The following ONECUT3 variants were observed in gnomAD, a reference collection of about 807,000 sequenced individuals.
The protein encoded by ONECUT3 is one cut homeobox 3.
ONECUT3 carries 11 observed loss-of-function variants against 16.8 expected under a neutral mutation model. That is an observed-to-expected ratio of 0.66 (90% confidence interval 0.41 to 1.09). The LOEUF (loss-of-function observed/expected upper bound fraction) is 1.09, where lower values mean the gene tolerates loss of function less well. ONECUT3 is among the 50% of genes least tolerant of loss of function. The probability of loss-of-function intolerance (pLI) is 0.00; values close to 1 mark genes in which losing one functional copy is unlikely to be tolerated. For synonymous variants in ONECUT3, 344 were observed against 310.7 expected (o/e 1.11, Z -1.13); for missense variants, 637 against 629.9 (o/e 1.01, Z -0.12).
At chr19:1,774,638 A>T (rs1386047267) in intron 1 of ONECUT3, among the ~76,000 whole-genome samples, 3 of 148,200 alleles carry the variant, frequency 2.0e-5, no homozygotes, top group Non-Finnish European at 4.5e-5. Context: ...TACCAATATC[A>T]ATTTCTGTGG....
chr19:1,765,530 C>T (rs960164519), intron 1 of ONECUT3, among the ~76,000 whole-genome samples: 5 of 152,206 alleles, frequency 3.3e-5, no homozygotes, highest in African/African-American at 9.6e-5. Flanking sequence ...AGGCAGCCGC[C>T]GCTTCACGCT....
chr19:1,762,479 TCACCCAGCAAACGCCGTCCCGCAG>T lies in ONECUT3; in HGVS notation c.1192+7631_1192+7654del, dbSNP rs1222858830. On this transcript the variant is annotated intron_variant, in intron 1 of 1. Transcript: ENST00000382349. This position sits in a 1 kb window ranked among gnomAD's most constrained non-coding sequence, Gnocchi z 4.4. ...GGGGATGACTGTGCCTCAGTTTCCA[TCACCCAGCAAACGCCGTCCCGCAG>T]CACCCGGGAAGCTGCGGAGTCGGGC... is the stretch of plus-strand genomic sequence containing the variant. Among the ~76,000 whole-genome samples the T allele has an allele frequency of 6.6e-6, 1 of 152,218 alleles. No homozygotes were observed. Among genetic ancestry groups the T allele is most frequent in the Non-Finnish European group, 1.5e-5 (1 of 68,022 alleles).
chr19:1,765,393 C>T (rs184106234), intron 1 of ONECUT3, among the ~76,000 whole-genome samples: 97 of 152,294 alleles, frequency 6.4e-4, no homozygotes, highest in African/African-American at 2.2e-3. Context: ...GCAGTGTATC[C>T]ACTCGAAGGC....
At position 1,758,851 on chromosome 19, in the gene ONECUT3, TCGATAGCTTCGGC is replaced by T. The variant is rs2067931806; in HGVS notation, c.1192+4000_1192+4012del. Among the ~76,000 whole-genome samples the T allele has an allele frequency of 6.6e-6, 1 of 152,110 alleles. No homozygotes were observed. On this transcript the variant is annotated intron_variant, in intron 1 of 1. Transcript: ENST00000382349. The surrounding 1 kb of genome is among the most constrained non-coding windows in gnomAD (Gnocchi z 5.9). ...TCTCTAATTCATCACCGTCGCCGGG[TCGATAGCTTCGGC>T]CGTCTTCAAATATTGTTTAAATTGC...
rs762721811 is a variant in ONECUT3, at chr19:1,754,635, G to T, written c.973G>T (p.Glu325Ter). 1 of 1,502,420 alleles carries T rather than the reference G, an allele frequency of 6.7e-7. No homozygotes were observed. Among genetic ancestry groups the T allele is most frequent in the South Asian group, 1.3e-5 (1 of 79,804 alleles). 93.1% of individuals were successfully genotyped at this position (1,502,420 alleles called of 1,614,324 possible). A position where few individuals can be genotyped will look rare whatever the true frequency, so the allele number is the denominator to read the frequency against. Residue 325 changes from glutamate to a stop codon, truncating the protein, a stop_gained, in exon 1 of 2, where the codon GAG becomes TAG. Transcript: ENST00000382349. LOFTEE classifies it high-confidence loss of function. The surrounding 1 kb of genome is among the most constrained non-coding windows in gnomAD (Gnocchi z 7.4). Reference sequence around the variant, plus strand: ...AGCGGCCGAGGAGATCAACACCAAGGAGGTGGCGCAGCGCATCACGGCGGA... The same window carrying T: ...AGCGGCCGAGGAGATCAACACCAAGTAGGTGGCGCAGCGCATCACGGCGGA... Reference protein sequence around the residue: ...GAAAEEINTKEVAQRITAELK... With the variant: ...GAAAEEINTK
chr19:1,770,953 A>G (rs536730116), intron 1 of ONECUT3, among the ~76,000 whole-genome samples: 11 of 152,362 alleles, frequency 7.2e-5, no homozygotes, highest in African/African-American at 2.6e-4. Context: ...AATTACAAAT[A>G]CAGTCTGTTG....
intron 1 of ONECUT3, among the ~76,000 whole-genome samples, chr19:1,765,779 C>T (rs945992818): frequency 6.6e-6 from 1 of 152,192 alleles, no homozygotes; most frequent in African/African-American, 2.4e-5. Context: ...CAAGGCCACT[C>T]GGCCCGCAGA....
chr19:1,756,488 G>GTGCAGTGC (rs1199203788), intron 1 of ONECUT3, among the ~76,000 whole-genome samples: 2 of 152,124 alleles, frequency 1.3e-5, no homozygotes, highest in African/African-American at 4.8e-5. Context: ...GGCCCTCGAG[G>GTGCAGTGC]TGCAGTGCGA....
In ONECUT3 at chr19:1,764,090, T is replaced by C. The variant is rs969601291; in HGVS notation, c.1192+9236T>C. On this transcript the variant is annotated intron_variant, in intron 1 of 1. Coordinates refer to ENST00000382349, the MANE Select transcript of ONECUT3 (RefSeq NM_001080488.2). This position sits in a 1 kb window ranked among gnomAD's most constrained non-coding sequence, Gnocchi z 5.0. ...CTTATCACTGATTCCTTTCCTGTCA[T>C]CTTTTTCAAATCCATTTCCCACTGC... Among the ~76,000 whole-genome samples, 2 of 152,244 alleles carry C rather than the reference T, an allele frequency of 1.3e-5. No homozygotes were observed. Among genetic ancestry groups the C allele is most frequent in the African/African-American group, 4.8e-5 (2 of 41,470 alleles).
In ONECUT3 at chr19:1,754,197, G is replaced by A; in HGVS notation, c.535G>A (p.Ala179Thr). The A allele has an allele frequency of 8.7e-7, 1 of 1,145,052 alleles. No homozygotes were observed. 70.9% of individuals were successfully genotyped at this position (1,145,052 alleles called of 1,614,324 possible). A position where few individuals can be genotyped will look rare whatever the true frequency, so the allele number is the denominator to read the frequency against. ...CATGCGCGACGAGCGGGCGGCGCTC[G>A]CCTCCGTGGGCCACCTCTACGGACC... ...TLMRDERAAL[A>T]SVGHLYGPYG... Residue 179 changes from alanine (A) to threonine (T), a missense_variant, in exon 1 of 2, where the codon GCC becomes ACC. This residue lies in a region of ONECUT3 where 419 missense variants were observed against 377.9 expected (regional missense o/e 1.11). Coordinates refer to ENST00000382349, the MANE Select transcript of ONECUT3 (RefSeq NM_001080488.2). This position sits in a 1 kb window ranked among gnomAD's most constrained non-coding sequence, Gnocchi z 7.4.
chr19:1,765,505 G>C (rs950766460), intron 1 of ONECUT3, among the ~76,000 whole-genome samples: 13 of 152,156 alleles, frequency 8.5e-5, no homozygotes, highest in African/African-American at 2.7e-4. Flanking sequence ...CCTCCTCATT[G>C]GGGAACAGAG....
In ONECUT3 at chr19:1,764,268, C is replaced by CGTGCCCCCTG. The variant is rs2067965377; in HGVS notation, c.1192+9414_1192+9415insGTGCCCCCTG. The stretch of plus-strand genomic sequence containing the variant: ...GGTGAGAGGTGCCCCCTGACACCCC[C>CGTGCCCCCTG]ATGCCCCCACCCCATGGCGGCCCAG... On this transcript the variant is annotated intron_variant, in intron 1 of 1. Transcript: ENST00000382349. This position sits in a 1 kb window ranked among gnomAD's most constrained non-coding sequence, Gnocchi z 5.0. Among the ~76,000 whole-genome samples the CGTGCCCCCTG allele has an allele frequency of 3.3e-5, 5 of 152,354 alleles. No individual in the cohort carries two copies. In the South Asian group the frequency reaches 8.3e-4, roughly 25 times the overall value.
Position 1,775,199 on chromosome 19 carries a change from G to A in ONECUT3, c.1239G>A (p.Gln413=), listed in dbSNP as rs745652947. ...EQEQQKERAL[Q]PKKQRLVFTD... is the part of the protein sequence containing the mutation. Reference sequence around the variant, plus strand: ...AGCAGCAGAAGGAGCGCGCCCTGCAGCCCAAGAAGCAGCGCCTGGTGTTCA... The same window carrying A: ...AGCAGCAGAAGGAGCGCGCCCTGCAACCCAAGAAGCAGCGCCTGGTGTTCA... Residue 413 remains glutamine (Q), a synonymous_variant, in exon 2 of 2, where the codon CAG becomes CAA. Transcript: ENST00000382349. 2 of 1,479,126 alleles carry A rather than the reference G, an allele frequency of 1.4e-6. No individual in the cohort carries two copies. The highest frequency in any genetic ancestry group is 1.2e-5 in the South Asian group (1 of 83,420). The allele number at this position is 1,479,126 out of a possible 1,614,324, so 91.6% of individuals were successfully genotyped here.
intron 1 of ONECUT3, among the ~76,000 whole-genome samples, chr19:1,774,312 G>T (rs2068084361): frequency 6.6e-6 from 1 of 152,038 alleles, no homozygotes. Flanking sequence ...CAGTTGCCAT[G>T]GCACACACCT....
At chr19:1,757,114 C>G (rs2067920171) in intron 1 of ONECUT3, among the ~76,000 whole-genome samples, 1 of 145,278 alleles carries the variant, frequency 6.9e-6, no homozygotes, top group Admixed American at 7.3e-5. Flanking sequence ...AAGGGCAAAC[C>G]GCAGGCGAGA....
In ONECUT3 at chr19:1,771,635, G is replaced by A. The variant is rs189587457; in HGVS notation, c.1193-3518G>A. Among the ~76,000 whole-genome samples the A allele has an allele frequency of 7.2e-5, 11 of 152,204 alleles. No individual in the cohort carries two copies. The South Asian group carries it at 1.2e-3, about 17-fold the overall frequency. ...TGGTGCTCTGAAATTTCACAACAAC[G>A]AGGCTTGAGTGTCTTTTTCATTCAA... On this transcript the variant is annotated intron_variant, in intron 1 of 1. Transcript: ENST00000382349.
At chr19:1,773,461 G>A (rs2068075826) in intron 1 of ONECUT3, among the ~76,000 whole-genome samples, 1 of 152,232 alleles carries the variant, frequency 6.6e-6, no homozygotes. Context: ...CCCGAGACAT[G>A]AGTCATGGCA....
At chr19:1,760,530 C>T (rs2067941119) in intron 1 of ONECUT3, among the ~76,000 whole-genome samples, 1 of 152,098 alleles carries the variant, frequency 6.6e-6, no homozygotes, top group South Asian at 2.1e-4. Context: ...GAGCCACATC[C>T]TTTAGGGGTG....
At chr19:1,770,719 C>A (rs1020377204) in intron 1 of ONECUT3, among the ~76,000 whole-genome samples, 2 of 152,206 alleles carry the variant, frequency 1.3e-5, no homozygotes, top group Admixed American at 1.3e-4. Flanking sequence ...GGGTCCTCTC[C>A]TGTAATCCTC....
Sources: gnomAD v4.1 joint callset for allele counts (sites outside exome capture counted in the v4.1 genomes callset) on GRCh38, gnomAD v4.1.1 for gene constraint, gnomAD v4.1.1 regional missense constraint, Gnocchi (gnomAD v3.1) non-coding constraint, MANE v1.5 for transcripts, NCBI Gene and HGNC (gene_info 2026-07-23, HGNC 2026-07-21) for gene names.